The following CRAMP1 variants were observed in gnomAD, a reference collection of about 807,000 sequenced individuals.
CRAMP1 encodes protein cramped-like.
Under a neutral mutation model 115.4 loss-of-function variants are expected in CRAMP1, and 50 were observed. That is an observed-to-expected ratio of 0.43 (90% CI 0.35 to 0.55). CRAMP1 has a LOEUF of 0.55. Among genes scored for constraint, CRAMP1 ranks in the 20% least tolerant of loss-of-function variants. The pLI is 0.01. For missense variants in CRAMP1, 1,679 were observed against 1,721.7 expected (o/e 0.98, Z 0.44); for synonymous variants, 866 against 745.4 (o/e 1.16, Z -2.64).
intron 6 of CRAMP1, among the ~76,000 whole-genome samples, chr16:1,651,849 GA>G (rs2036726921): frequency 6.6e-6 from 1 of 150,778 alleles, no homozygotes; most frequent in South Asian, 2.1e-4. Context: ...AGAGGTCACA[GA>G]AAGGTGGACT....
chr16:1,648,205 C>T lies in CRAMP1; in HGVS notation c.828-4291C>T, dbSNP rs187041310. Among the ~76,000 whole-genome samples the T allele has an allele frequency of 5.1e-4, 78 of 152,200 alleles. 1 individual carries two copies. Among genetic ancestry groups the T allele is most frequent in the South Asian group, 4.1e-4 (2 of 4,822 alleles). On this transcript the variant is annotated intron_variant, in intron 6 of 20. Transcript: ENST00000397412. ...CAGGTGCCACATGACACAGCTCCGC[C>T]AGCTGTTTAAATCTTGCCTACTACT...
At chr16:1,617,842 A>G (rs1053713757) in intron 2 of CRAMP1, among the ~76,000 whole-genome samples, 57 of 152,244 alleles carry the variant, frequency 3.7e-4, no homozygotes, top group African/African-American at 1.4e-3. Flanking sequence ...GCATTGATAA[A>G]GCGATGGTAG....
At position 1,660,078 on chromosome 16, in the gene CRAMP1, G is replaced by A; in HGVS notation, c.2413+15G>A. On this transcript the variant is annotated intron_variant, in intron 11 of 20. Transcript: ENST00000397412. ...CTGCTCCTCAGGTGAGGCTGTGGCA[G>A]CCACACTCCTTGTGCCTGGGCTGCC... 1 of 1,532,054 alleles carries A rather than the reference G, an allele frequency of 6.5e-7. No individual in the cohort carries two copies. Among genetic ancestry groups the A allele is most frequent in the South Asian group, 1.2e-5 (1 of 82,476 alleles). 94.9% of individuals were successfully genotyped at this position (1,532,054 alleles called of 1,614,324 possible).
chr16:1,614,392 C>A lies in CRAMP1; in HGVS notation c.-1-247C>A, dbSNP rs1404374620. ...CCCGCCGCCGGCCCGGGCGTCTGGACGCGAGCCTCGGCCAGGGGGCGTCCG... is the reference window on the plus strand; with the variant it reads ...CCCGCCGCCGGCCCGGGCGTCTGGAAGCGAGCCTCGGCCAGGGGGCGTCCG... On this transcript the variant is annotated intron_variant, in intron 1 of 20. Transcript: ENST00000397412. This position sits in a 1 kb window ranked among gnomAD's most constrained non-coding sequence, Gnocchi z 4.4. Among the ~76,000 whole-genome samples, 1 of 143,134 alleles carries A rather than the reference C, an allele frequency of 7.0e-6. No homozygotes were observed. Among genetic ancestry groups the A allele is most frequent in the Non-Finnish European group, 1.5e-5 (1 of 64,806 alleles). The allele number at this position is 143,134 out of a possible 152,430, so 93.9% of individuals were successfully genotyped here.
chr16:1,619,387 C>T (rs2036447434), intron 2 of CRAMP1, among the ~76,000 whole-genome samples: 1 of 152,104 alleles, frequency 6.6e-6, no homozygotes, highest in Non-Finnish European at 1.5e-5. Context: ...TACCGTATGG[C>T]CCAGGCTGGT....
At chr16:1,667,250 CTT>C in intron 16 of CRAMP1, 83 bp from the exon 17 acceptor site, 2 of 1,150,230 alleles carry the variant, frequency 1.7e-6, no homozygotes, top group Non-Finnish European at 2.6e-6. Flanking sequence ...TGGAACGCCT[CTT>C]TTTCTGGAAC....
At chr16:1,662,715 G>C in intron 12 of CRAMP1, 44 bp downstream of exon 12, 1 of 1,613,738 alleles carries the variant, frequency 6.2e-7, no homozygotes, top group Non-Finnish European at 8.5e-7. Context: ...GCGTCCCCGT[G>C]GTCTGGAGAG....
At chr16:1,660,334 T>C (rs2036817908) in intron 11 of CRAMP1, among the ~76,000 whole-genome samples, 1 of 152,244 alleles carries the variant, frequency 6.6e-6, no homozygotes, top group Non-Finnish European at 1.5e-5. Context: ...CTTTGGGGTC[T>C]GCTTCATGGG....
At chr16:1,640,318 G>A (rs759774678) in intron 5 of CRAMP1, among the ~76,000 whole-genome samples, 6 of 152,186 alleles carry the variant, frequency 3.9e-5, no homozygotes, top group Non-Finnish European at 7.3e-5. Context: ...CATTGACACC[G>A]TTGTCTGCTG....
chr16:1,617,465 A>G (rs1480133454), intron 2 of CRAMP1, among the ~76,000 whole-genome samples: 7 of 152,262 alleles, frequency 4.6e-5, no homozygotes, highest in African/African-American at 1.7e-4. Flanking sequence ...TCAGAGGAGA[A>G]TCCTCTTACA....
In CRAMP1 at chr16:1,625,983, T is replaced by A. The variant is rs763089854; in HGVS notation, c.357T>A (p.Gly119=). 2.4e-5 allele frequency: 38 copies of A among 1,551,306 alleles called. No homozygotes were observed. Among genetic ancestry groups the A allele is most frequent in the Non-Finnish European group, 3.1e-5 (35 of 1,146,896 alleles). The change falls in exon 3 of 21, where the codon GGT becomes GGA. Residue 119 remains glycine, a synonymous_variant. Transcript: ENST00000397412. ...TGCTTTCTCTCCAAGGAGCTGAAGG[T>A]GGTGGATCATCGTCTGGAAATGTGT... ...GSGPRGKGAE[G]GGSSSGNVSG...
chr16:1,662,094 A>G (rs969315059), intron 11 of CRAMP1, among the ~76,000 whole-genome samples: 4 of 152,174 alleles, frequency 2.6e-5, no homozygotes, highest in Non-Finnish European at 5.9e-5. Context: ...TGCCCCAGAG[A>G]CGGTGTGGTC....
At position 1,658,218 on chromosome 16, in the gene CRAMP1, G is replaced by T. The variant is rs554911464; in HGVS notation, c.2235+1226G>T. Among the ~76,000 whole-genome samples the T allele has an allele frequency of 2.0e-5, 3 of 152,248 alleles. No homozygotes were observed. The East Asian group carries it at 5.8e-4, about 29-fold the overall frequency. On this transcript the variant is annotated intron_variant, in intron 10 of 20. Coordinates refer to ENST00000397412, the MANE Select transcript of CRAMP1 (RefSeq NM_020825.4). The stretch of plus-strand genomic sequence containing the variant: ...AGGAAAGAAAGTTCTTCCAGGGGTG[G>T]TGGAGACTGAGCCCAACCCTCAGGC...
At chr16:1,657,227 G>A (rs747894472) in intron 10 of CRAMP1, among the ~76,000 whole-genome samples, 11 of 152,242 alleles carry the variant, frequency 7.2e-5, no homozygotes, top group Non-Finnish European at 1.3e-4. Context: ...CCTCGAGGAG[G>A]GATCCTCGGG....
At chr16:1,652,728 A>T in intron 7 of CRAMP1, 147 bp downstream of exon 7, 1 of 752,206 alleles carries the variant, frequency 1.3e-6, no homozygotes. Flanking sequence ...CCACTCTTGA[A>T]CTTGAAATGC....
intron 6 of CRAMP1, among the ~76,000 whole-genome samples, chr16:1,645,211 G>C (rs1034520827): frequency 6.6e-6 from 1 of 151,962 alleles, no homozygotes; most frequent in Non-Finnish European, 1.5e-5. Flanking sequence ...GTTTGAGATG[G>C]AGTCTTGCTC....
intron 2 of CRAMP1, among the ~76,000 whole-genome samples, chr16:1,622,173 C>T (rs1258691293): frequency 6.6e-6 from 1 of 152,168 alleles, no homozygotes; most frequent in Non-Finnish European, 1.5e-5. Flanking sequence ...AACCAGAGGC[C>T]ACCTTCAGTT....
chr16:1,653,956 A>G (rs1191444990), intron 8 of CRAMP1, among the ~76,000 whole-genome samples: 1 of 151,790 alleles, frequency 6.6e-6, no homozygotes, highest in Non-Finnish European at 1.5e-5. Flanking sequence ...CCTGGCCAAG[A>G]TGGTGAAACC....
At position 1,675,196 on chromosome 16, in the gene CRAMP1, TC is replaced by T. The variant is rs1175758425; in HGVS notation, c.*1153del. On this transcript the variant is annotated 3_prime_UTR_variant, in exon 21 of 21. Transcript: ENST00000397412. ...TTGCGCCCTCTTGGGTGGCCAGCGT[TC>T]CTACTGCAGACGGCCCAACATCCAG... is the stretch of plus-strand genomic sequence containing the variant. The T allele has an allele frequency of 6.6e-6, 1 of 152,314 alleles. No individual in the cohort carries two copies. The highest frequency in any genetic ancestry group is 1.5e-5 in the Non-Finnish European group (1 of 68,126). The allele number at this position is 152,314 out of a possible 1,614,324, so 9.4% of individuals were successfully genotyped here.
Sources: allele counts gnomAD v4.1 joint callset (sites outside exome capture counted in the v4.1 genomes callset), GRCh38; gene constraint gnomAD v4.1.1; non-coding constraint Gnocchi (gnomAD v3.1); transcripts MANE v1.5; gene names NCBI Gene and HGNC (gene_info 2026-07-23, HGNC 2026-07-21).